Variants in CTNND2 observed in about 807,000 individuals in gnomAD.
CTNND2 encodes the protein catenin delta-2.
A neutral mutation model predicts 144.4 loss-of-function variants in CTNND2; 22 were observed. The observed-to-expected ratio is 0.15, with a 90% confidence interval of 0.11 to 0.22. CTNND2 has a LOEUF of 0.22. CTNND2 is among the 10% of genes least tolerant of loss of function. The pLI, the probability that CTNND2 is intolerant of heterozygous loss-of-function variation, is 1.00. For synonymous variants in CTNND2, 751 were observed against 695.6 expected, an observed-to-expected ratio of 1.08 and a Z score of -1.25; for missense variants, 1,353 against 1,618.8, an observed-to-expected ratio of 0.84 and a Z score of 2.82.
intron 9 of CTNND2, among the ~76,000 whole-genome samples, chr5:11,317,986 C>T (rs1377518711): frequency 6.6e-6 from 1 of 152,086 alleles, no homozygotes; most frequent in Non-Finnish European, 1.5e-5. Context: ...GAGCAGAGTT[C>T]CAGAGTTAGG....
At chr5:11,440,366 T>C (rs947610153) in intron 3 of CTNND2, among the ~76,000 whole-genome samples, 1 of 152,224 alleles carries the variant, frequency 6.6e-6, no homozygotes, top group Non-Finnish European at 1.5e-5. Context: ...CCTAGTCAAC[T>C]GGCTGTAGAG....
At chr5:11,419,735 T>C (rs988387156) in intron 3 of CTNND2, among the ~76,000 whole-genome samples, 4 of 152,090 alleles carry the variant, frequency 2.6e-5, no homozygotes, top group African/African-American at 9.7e-5. Flanking sequence ...TAAAAATATA[T>C]ATATGAAAGT....
intron 2 of CTNND2, among the ~76,000 whole-genome samples, chr5:11,636,974 T>A (rs1354405026): frequency 6.6e-6 from 1 of 151,976 alleles, no homozygotes; most frequent in Non-Finnish European, 1.5e-5. Flanking sequence ...AATATCATGA[T>A]CCAGGAAACC....
chr5:11,167,953 G>A (rs373304523), intron 11 of CTNND2, among the ~76,000 whole-genome samples: 97 of 150,474 alleles, frequency 6.4e-4, no homozygotes, highest in African/African-American at 2.2e-3. Flanking sequence ...TGATCCTGCC[G>A]CCTCAGCCTC....
At chr5:11,774,228 G>A (rs763583332) in intron 1 of CTNND2, among the ~76,000 whole-genome samples, 2 of 151,966 alleles carry the variant, frequency 1.3e-5, no homozygotes, top group African/African-American at 2.4e-5. Context: ...ATGTTCTTGC[G>A]ATAGTTTACT....
At chr5:11,223,710 T>G (rs961925906) in intron 10 of CTNND2, among the ~76,000 whole-genome samples, 1 of 152,162 alleles carries the variant, frequency 6.6e-6, no homozygotes, top group African/African-American at 2.4e-5. Flanking sequence ...TGACATCTGA[T>G]GCGTCCCTGA....
chr5:11,411,512 A>T, intron 5 of CTNND2, 24 bp downstream of exon 5: 1 of 1,193,308 alleles, frequency 8.4e-7, no homozygotes, highest in Non-Finnish European at 1.2e-6. Context: ...AACTATCTTC[A>T]AGCATAACTG....
chr5:11,561,055 G>C (rs977981273), intron 3 of CTNND2, among the ~76,000 whole-genome samples: 1 of 152,178 alleles, frequency 6.6e-6, no homozygotes, highest in Non-Finnish European at 1.5e-5. Context: ...GGCTCATTAA[G>C]CTGCCGGATA....
At chr5:11,719,113 G>C (rs968723394) in intron 2 of CTNND2, among the ~76,000 whole-genome samples, 2 of 152,176 alleles carry the variant, frequency 1.3e-5, no homozygotes, top group African/African-American at 4.8e-5. Flanking sequence ...ATTAAAATCA[G>C]TTTCAGAAAT....
chr5:11,679,315 G>C (rs562885480), intron 2 of CTNND2, among the ~76,000 whole-genome samples: 2 of 152,174 alleles, frequency 1.3e-5, no homozygotes, highest in Admixed American at 1.3e-4. Flanking sequence ...TATTTACTGA[G>C]TACCTATATG....
intron 10 of CTNND2, among the ~76,000 whole-genome samples, chr5:11,217,244 A>T (rs1376581743): frequency 6.6e-6 from 1 of 152,232 alleles, no homozygotes; most frequent in Non-Finnish European, 1.5e-5. Context: ...CGTTCATTAT[A>T]ACTAGCATCT....
At chr5:11,350,091 C>CG (rs1473677434) in intron 8 of CTNND2, among the ~76,000 whole-genome samples, 1 of 151,940 alleles carries the variant, frequency 6.6e-6, no homozygotes. Flanking sequence ...GAGCTGAGAT[C>CG]GTGCCATTGC....
Position 11,597,981 on chromosome 5 carries a change from C to T in CTNND2, c.175-32925G>A, listed in dbSNP as rs568860797. Among the ~76,000 whole-genome samples the T allele has an allele frequency of 3.9e-5, 6 of 152,278 alleles. No individual in the cohort carries two copies. In the East Asian group the frequency reaches 1.2e-3, roughly 29 times the overall value. ...CTCATTTCCTATATCACTGAAATTA[C>T]CCTTTTCCATATTCTCATGTGATAA... On this transcript the variant is annotated intron_variant, in intron 2 of 21. Coordinates refer to ENST00000304623, the MANE Select transcript of CTNND2 (RefSeq NM_001332.4).
At chr5:11,282,385 C>G (rs1489036449) in intron 9 of CTNND2, among the ~76,000 whole-genome samples, 1 of 152,156 alleles carries the variant, frequency 6.6e-6, no homozygotes, top group South Asian at 2.1e-4. Context: ...TTGATACCCT[C>G]TCTCTCCTAG....
chr5:11,061,201 AC>A (rs1746932678), intron 16 of CTNND2, among the ~76,000 whole-genome samples: 1 of 152,072 alleles, frequency 6.6e-6, no homozygotes, highest in Non-Finnish European at 1.5e-5. Context: ...CCTTCAAAAT[AC>A]TTTTTCTACC....
intron 2 of CTNND2, among the ~76,000 whole-genome samples, chr5:11,677,832 C>T (rs1784245461): frequency 1.3e-5 from 2 of 152,168 alleles, no homozygotes; most frequent in Admixed American, 1.3e-4. Flanking sequence ...ACCAATGCTT[C>T]TAACAAGTGG....
At chr5:11,662,265 G>A (rs1322026152) in intron 2 of CTNND2, among the ~76,000 whole-genome samples, 3 of 112,388 alleles carry the variant, frequency 2.7e-5, no homozygotes, top group African/African-American at 9.3e-5. Context: ...GTATATATGT[G>A]TGTGTGTGTA....
At chr5:11,764,261 A>T (rs1254657813) in intron 1 of CTNND2, among the ~76,000 whole-genome samples, 4 of 152,186 alleles carry the variant, frequency 2.6e-5, no homozygotes, top group African/African-American at 9.6e-5. Context: ...CTTCAGAAGC[A>T]GTGCAGACCT....
At chr5:11,184,444 CA>C (rs986361308) in intron 11 of CTNND2, among the ~76,000 whole-genome samples, 1 of 151,216 alleles carries the variant, frequency 6.6e-6, no homozygotes, top group African/African-American at 2.4e-5. Flanking sequence ...TCCATTTTCT[CA>C]AAAAAAAATC....
Sources: gnomAD v4.1 joint callset for allele counts (sites outside exome capture counted in the v4.1 genomes callset) on GRCh38, gnomAD v4.1.1 for gene constraint, MANE v1.5 for transcripts, NCBI Gene and HGNC (gene_info 2026-07-23, HGNC 2026-07-21) for gene names.